Variants in HJURP observed in about 807,000 individuals in gnomAD.
HJURP encodes the protein Holliday junction recognition protein.
A neutral mutation model predicts 72.0 loss-of-function variants in HJURP; 49 were observed. That is an observed-to-expected ratio of 0.68 (90% CI 0.54 to 0.86). The LOEUF (loss-of-function observed/expected upper bound fraction) is 0.86. Ranked by LOEUF, HJURP falls within the 40% of genes least tolerant of loss-of-function variation. HJURP has a pLI of 0.00. For missense variants in HJURP, 908 were observed against 936.3 expected, an observed-to-expected ratio of 0.97 and a Z score of 0.39; for synonymous variants, 357 against 347.1, an observed-to-expected ratio of 1.03 and a Z score of -0.32.
At chr2:233,853,765 T>C in intron 2 of HJURP, 79 bp downstream of exon 2, 1 of 1,200,782 alleles carries the variant, frequency 8.3e-7, no homozygotes, top group Non-Finnish European at 1.2e-6. Flanking sequence ...GTTTACTTCT[T>C]AAGAGAGCAG....
At position 233,837,159 on chromosome 2, in the gene HJURP, G is replaced by A. The variant is rs575173630; in HGVS notation, c.*418C>T. 4.3e-4 allele frequency: 81 copies of A among 189,578 alleles called. 1 individual carries two copies. The South Asian group carries it at 6.6e-3, about 15-fold the overall frequency. 11.7% of individuals were successfully genotyped at this position (189,578 alleles called of 1,614,324 possible). A position where few individuals can be genotyped will look rare whatever the true frequency, so the allele number is the denominator to read the frequency against. On this transcript the variant is annotated 3_prime_UTR_variant, in exon 9 of 9. Transcript: ENST00000411486. Reference sequence around the variant, plus strand: ...AAATTAGCCAGGCGTGGTGGCGCGCGCCTGTAATCCCAGCTACTCGGGAGG... The same window carrying A: ...AAATTAGCCAGGCGTGGTGGCGCGCACCTGTAATCCCAGCTACTCGGGAGG...
intron 3 of HJURP, among the ~76,000 whole-genome samples, chr2:233,850,802 G>A (rs894873175): frequency 1.2e-4 from 18 of 147,150 alleles, no homozygotes; most frequent in Non-Finnish European, 2.3e-4. Flanking sequence ...AGAAGCAGAC[G>A]ATCTACACCA....
intron 3 of HJURP, 34 bp downstream of exon 3, chr2:233,852,531 A>T: frequency 6.7e-7 from 1 of 1,490,324 alleles, no homozygotes; most frequent in South Asian, 1.1e-5. Context: ...CTCCACAGCA[A>T]GGTTATTTGG....
intron 1 of HJURP, among the ~76,000 whole-genome samples, chr2:233,854,112 C>A (rs1705558745): frequency 1.3e-5 from 2 of 152,246 alleles, no homozygotes; most frequent in South Asian, 4.2e-4. Flanking sequence ...CCTCTCTGCA[C>A]CCGAGCCCCA....
At chr2:233,840,542 T>C in intron 8 of HJURP, 67 bp downstream of exon 8, 1 of 1,466,354 alleles carries the variant, frequency 6.8e-7, no homozygotes, top group Non-Finnish European at 9.2e-7. Flanking sequence ...ATTCCTACCA[T>C]AAAAAGCCTC....
intron 1 of HJURP, 127 bp downstream of exon 1, chr2:233,854,257 C>T (rs1448171004): frequency 3.1e-6 from 2 of 650,148 alleles, no homozygotes; most frequent in Admixed American, 2.9e-5. Flanking sequence ...CGCATCCAAG[C>T]CCCAGTCCCG....
intron 6 of HJURP, 127 bp downstream of exon 6, chr2:233,845,601 G>C (rs1168380780): frequency 4.9e-6 from 3 of 617,702 alleles, no homozygotes. Context: ...AAACAATTTG[G>C]AAATCATTAC....
In HJURP at chr2:233,842,182, T is replaced by G; in HGVS notation, c.598A>C (p.Lys200Gln). ...GGTTTCGCTGGGTCACCAGGACTCTTTCTGGAGATACGACTGCAGTATCCT... is the reference window on the plus strand; with the variant it reads ...GGTTTCGCTGGGTCACCAGGACTCTGTCTGGAGATACGACTGCAGTATCCT... ...APGYCSRISR[K>Q]SPGDPAKPAS... Residue 200 changes from lysine (K) to glutamine (Q), a missense_variant, in exon 8 of 9, where the codon AAG becomes CAG. Around this residue, in one of 3 missense-constraint regions of HJURP, gnomAD observed 299 missense variants for 286.7 expected, o/e 1.04. Coordinates refer to ENST00000411486, the MANE Select transcript of HJURP (RefSeq NM_018410.5). The G allele has an allele frequency of 6.2e-7, 1 of 1,612,690 alleles. No homozygotes were observed. The highest frequency in any genetic ancestry group is 8.5e-7 in the Non-Finnish European group (1 of 1,179,168).
rs569476544 is a variant in HJURP at position 233,837,218 on chromosome 2, G to A, written c.*359C>T. On this transcript the variant is annotated 3_prime_UTR_variant, in exon 9 of 9. Transcript: ENST00000411486. ...GAAGAATCGCTTGAACCCGGGAGGC[G>A]GAAGTTGCAGTGAGCCAAGATTGTG... 9 of 225,780 alleles carry A rather than the reference G, an allele frequency of 4.0e-5. No homozygotes were observed. The highest frequency in any genetic ancestry group is 1.3e-4 in the South Asian group (2 of 15,126). 14.0% of individuals were successfully genotyped at this position (225,780 alleles called of 1,614,324 possible).
chr2:233,842,676 A>AG, intron 7 of HJURP, among the ~76,000 whole-genome samples: 1 of 107,432 alleles, frequency 9.3e-6, no homozygotes, highest in South Asian at 3.1e-4. Flanking sequence ...ATTGATAAAG[A>AG]GAAAAAAAAA....
chr2:233,850,598 C>T (rs534353623), intron 3 of HJURP, among the ~76,000 whole-genome samples: 95 of 152,304 alleles, frequency 6.2e-4, no homozygotes, highest in Non-Finnish European at 9.8e-4. Flanking sequence ...AGGCCTATAC[C>T]GTTAGGGATG....
At chr2:233,853,154 G>C (rs1277997357) in intron 2 of HJURP, among the ~76,000 whole-genome samples, 3 of 152,226 alleles carry the variant, frequency 2.0e-5, no homozygotes, top group African/African-American at 7.2e-5. Context: ...TCAAGGAGCA[G>C]ATCTTGTGAA....
At chr2:233,838,127 C>T (rs1318930002) in intron 8 of HJURP, among the ~76,000 whole-genome samples, 1 of 152,210 alleles carries the variant, frequency 6.6e-6, no homozygotes, top group Non-Finnish European at 1.5e-5. Context: ...GTAGTTGCAG[C>T]TCATGAAGAA....
chr2:233,841,173 G>A lies in HJURP; in HGVS notation c.1607C>T (p.Pro536Leu), dbSNP rs139993206. The change falls in exon 8 of 9, where the codon CCG becomes CTG. Residue 536 changes from proline (P) to leucine (L), a missense_variant. Physicochemically the swap from Pro to Leu is moderately conservative, Grantham distance 98. This residue lies in a region of HJURP where 598 missense variants were observed against 619.5 expected (regional missense o/e 0.97). Transcript: ENST00000411486. ...KTNPTHSATR[P>L]QQTSDLHVQG... Reference sequence around the variant, plus strand: ...AACGTGAAGGTCAGATGTCTGCTGCGGGCGAGTTGCGCTGTGTGTGGGGTT... The same window carrying A: ...AACGTGAAGGTCAGATGTCTGCTGCAGGCGAGTTGCGCTGTGTGTGGGGTT... The A allele has an allele frequency of 7.1e-5, 114 of 1,614,180 alleles. No individual in the cohort carries two copies. Among genetic ancestry groups the A allele is most frequent in the Middle Eastern group, 3.3e-4 (2 of 6,062 alleles).
Position 233,840,834 on chromosome 2 carries a change from CT to C in HJURP, c.1945del (p.Ser649ValfsTer92). ...CTCAATTGCAGTTGAGCCCAGTAGA[CT>C]TTTTCTGCACCCCAGGGGTGATGAT... Reference protein sequence around the residue: ...LPSSPLGCRKSLLGSTAIEAP... With the variant: ...LPSSPLGCRKXLLGSTAIEAP... On this transcript the variant is annotated frameshift_variant, in exon 8 of 9. Coordinates refer to ENST00000411486, the MANE Select transcript of HJURP (RefSeq NM_018410.5). LOFTEE classifies it high-confidence loss of function. 1 of 1,613,926 alleles carries C rather than the reference CT, an allele frequency of 6.2e-7. No individual in the cohort carries two copies. Among genetic ancestry groups the C allele is most frequent in the African/African-American group, 1.3e-5 (1 of 74,988 alleles).
chr2:233,847,329 G>A, intron 5 of HJURP, 68 bp downstream of exon 5: 1 of 1,249,218 alleles, frequency 8.0e-7, no homozygotes, highest in Non-Finnish European at 1.2e-6. Context: ...CAGGCCACAT[G>A]GGCTTTGATG....
At chr2:233,845,844 A>C in intron 5 of HJURP, 24 bp from the exon 6 acceptor site, 1 of 1,525,900 alleles carries the variant, frequency 6.6e-7, no homozygotes, top group Non-Finnish European at 9.1e-7. Context: ...AGAAGTCAGA[A>C]TTTTTAAGAG....
intron 8 of HJURP, among the ~76,000 whole-genome samples, chr2:233,838,440 T>C (rs952567618): frequency 2.0e-5 from 3 of 152,146 alleles, no homozygotes; most frequent in African/African-American, 7.2e-5. Context: ...CAGGAGCCTC[T>C]GCACGGAGCA....
At chr2:233,847,232 C>T (rs975672797) in intron 5 of HJURP, among the ~76,000 whole-genome samples, 165 bp downstream of exon 5, 4 of 152,124 alleles carry the variant, frequency 2.6e-5, no homozygotes, top group African/African-American at 4.8e-5. Flanking sequence ...TGAAGGGAAT[C>T]GACACGAGGA....
Sources: allele counts gnomAD v4.1 joint callset (sites outside exome capture counted in the v4.1 genomes callset), GRCh38; gene constraint gnomAD v4.1.1; regional missense constraint gnomAD v4.1.1; transcripts MANE v1.5; gene names NCBI Gene and HGNC (gene_info 2026-07-23, HGNC 2026-07-21).